The following KIN variants were observed in gnomAD, a reference collection of about 807,000 sequenced individuals.
KIN encodes the protein DNA/RNA-binding protein KIN17.
A neutral mutation model predicts 63.0 loss-of-function variants in KIN; 47 were observed. The ratio of observed to expected loss-of-function variants is 0.75; its 90% CI spans 0.59 to 0.95. The LOEUF (loss-of-function observed/expected upper bound fraction) is 0.95. KIN is among the 40% of genes least tolerant of loss of function. The pLI, the probability that KIN is intolerant of heterozygous loss-of-function variation, is 0.00. For missense variants in KIN, 408 were observed against 460.9 expected, an observed-to-expected ratio of 0.89 and a Z score of 1.05; for synonymous variants, 160 against 157.7, an observed-to-expected ratio of 1.01 and a Z score of -0.11.
In KIN at chr10:7,751,613, G is replaced by C. The variant is rs1052071885; in HGVS notation, c.*4467C>G. ...AAGAGGTAAATAGCACTACCTCTTAGTTTTCTTCTTCTATAAGAAGTGCTC... is the reference window on the plus strand; with the variant it reads ...AAGAGGTAAATAGCACTACCTCTTACTTTTCTTCTTCTATAAGAAGTGCTC... On this transcript the variant is annotated 3_prime_UTR_variant, in exon 13 of 13. Transcript: ENST00000379562. 6.6e-6 allele frequency: 1 copy of C among 152,100 alleles called. No individual in the cohort carries two copies. The highest frequency in any genetic ancestry group is 2.4e-5 in the African/African-American group (1 of 41,422). 9.4% of individuals were successfully genotyped at this position (152,100 alleles called of 1,614,324 possible).
rs568313934 is a variant in KIN at position 7,751,327 on chromosome 10, T to C, written c.*4753A>G. The C allele has an allele frequency of 6.6e-6, 1 of 152,372 alleles. No individual in the cohort carries two copies. Among genetic ancestry groups the C allele is most frequent in the South Asian group, 2.1e-4 (1 of 4,828 alleles). 9.4% of individuals were successfully genotyped at this position (152,372 alleles called of 1,614,324 possible). A position where few individuals can be genotyped will look rare whatever the true frequency, so the allele number is the denominator to read the frequency against. ...TTTCATTGTAGAGGCAAAACTCTTTTTTTGGACATATCCAACCCATATTTG... is the reference window on the plus strand; with the variant it reads ...TTTCATTGTAGAGGCAAAACTCTTTCTTTGGACATATCCAACCCATATTTG... On this transcript the variant is annotated 3_prime_UTR_variant, in exon 13 of 13. Coordinates refer to ENST00000379562, the MANE Select transcript of KIN (RefSeq NM_012311.4).
At chr10:7,778,462 T>G (rs549908057) in intron 5 of KIN, among the ~76,000 whole-genome samples, 1 of 152,122 alleles carries the variant, frequency 6.6e-6, no homozygotes, top group Non-Finnish European at 1.5e-5. Context: ...ACAAGCTGGC[T>G]GGGCACGGTG....
intron 9 of KIN, among the ~76,000 whole-genome samples, chr10:7,765,366 GGGA>G (rs1196748604): frequency 2.0e-5 from 3 of 151,850 alleles, no homozygotes; most frequent in African/African-American, 7.3e-5. Context: ...AAGCTGAGGT[GGGA>G]GGATCGCTTG....
At chr10:7,779,517 T>C (rs1339055255) in intron 4 of KIN, among the ~76,000 whole-genome samples, 2 of 152,190 alleles carry the variant, frequency 1.3e-5, no homozygotes, top group African/African-American at 2.4e-5. Context: ...AGATACTGTA[T>C]GTGAATTCAA....
rs184326700 is a variant in KIN, at chr10:7,752,240, A to G, written c.*3840T>C. ...AAAATTCAACAATAAGAAAATGAGTAACCCAATTAAATAATGGGCAAAAAA... is the reference window on the plus strand; with the variant it reads ...AAAATTCAACAATAAGAAAATGAGTGACCCAATTAAATAATGGGCAAAAAA... On this transcript the variant is annotated 3_prime_UTR_variant, in exon 13 of 13. Coordinates refer to ENST00000379562, the MANE Select transcript of KIN (RefSeq NM_012311.4). 1 of 152,372 alleles carries G rather than the reference A, an allele frequency of 6.6e-6. No individual in the cohort carries two copies. Among genetic ancestry groups the G allele is most frequent in the East Asian group, 1.9e-4 (1 of 5,188 alleles). 9.4% of individuals were successfully genotyped at this position (152,372 alleles called of 1,614,324 possible). A position where few individuals can be genotyped will look rare whatever the true frequency, so the allele number is the denominator to read the frequency against.
At chr10:7,765,018 A>G (rs1184262129) in intron 9 of KIN, among the ~76,000 whole-genome samples, 1 of 151,774 alleles carries the variant, frequency 6.6e-6, no homozygotes, top group Non-Finnish European at 1.5e-5. Context: ...AATTAACCGG[A>G]TGTGGTGGCC....
intron 6 of KIN, among the ~76,000 whole-genome samples, chr10:7,775,119 C>T (rs548721590): frequency 1.3e-5 from 2 of 152,310 alleles, no homozygotes; most frequent in East Asian, 1.9e-4. Flanking sequence ...ACCACACCGG[C>T]GCTTCCCTGC....
intron 4 of KIN, among the ~76,000 whole-genome samples, chr10:7,779,494 T>G (rs969014915): frequency 6.6e-6 from 1 of 152,316 alleles, no homozygotes; most frequent in African/African-American, 2.4e-5. Flanking sequence ...CATATTTATA[T>G]TTAATGAAAT....
At chr10:7,784,267 A>C (rs1415485413) in intron 1 of KIN, among the ~76,000 whole-genome samples, 1 of 152,140 alleles carries the variant, frequency 6.6e-6, no homozygotes, top group Non-Finnish European at 1.5e-5. Flanking sequence ...CTCCTTTCCC[A>C]AAAAAATTGC....
At chr10:7,778,515 C>A (rs1042537771) in intron 5 of KIN, among the ~76,000 whole-genome samples, 1 of 152,106 alleles carries the variant, frequency 6.6e-6, no homozygotes, top group Non-Finnish European at 1.5e-5. Flanking sequence ...CCGAGGCGGC[C>A]GGATCACGAG....
At chr10:7,782,526 G>A (rs764489508) in intron 2 of KIN, among the ~76,000 whole-genome samples, 2 of 151,930 alleles carry the variant, frequency 1.3e-5, no homozygotes, top group Non-Finnish European at 2.9e-5. Context: ...AGCCTCCTGA[G>A]TCGCTGGGAT....
Position 7,769,319 on chromosome 10 carries a change from G to A in KIN, c.695C>T (p.Thr232Met), listed in dbSNP as rs976568227. 1.4e-5 allele frequency: 23 copies of A among 1,613,466 alleles called. No homozygotes were observed. The highest frequency in any genetic ancestry group is 2.2e-5 in the East Asian group (1 of 44,868). ...TTTCACTGATGCTGAACTTCCTATC[G>A]TCTTCAGTGCACTCGGTCCCAGAGT... ...SSTLGPSALK[T>M]IGSSASVKRK... The change falls in exon 8 of 13, where the codon ACG becomes ATG. Residue 232 changes from threonine (T) to methionine (M), a missense_variant. Coordinates refer to ENST00000379562, the MANE Select transcript of KIN (RefSeq NM_012311.4).
chr10:7,764,705 C>A (rs1835504054), intron 9 of KIN, among the ~76,000 whole-genome samples: 1 of 152,212 alleles, frequency 6.6e-6, no homozygotes, highest in Admixed American at 6.5e-5. Context: ...AATGCCAAAA[C>A]AACTTCTCCA....
At chr10:7,759,838 G>A in intron 12 of KIN, 52 bp downstream of exon 12, 1 of 896,564 alleles carries the variant, frequency 1.1e-6, no homozygotes, top group Non-Finnish European at 1.8e-6. Flanking sequence ...AAAAAACTAT[G>A]GCACATTTTT....
At chr10:7,776,467 A>G (rs1043433538) in intron 5 of KIN, among the ~76,000 whole-genome samples, 2 of 150,346 alleles carry the variant, frequency 1.3e-5, no homozygotes, top group Admixed American at 1.3e-4. Flanking sequence ...GTCTGAATCC[A>G]GGGGGTGAGT....
intron 8 of KIN, among the ~76,000 whole-genome samples, chr10:7,767,399 C>G (rs1409503355): frequency 1.3e-5 from 2 of 152,208 alleles, no homozygotes; most frequent in Non-Finnish European, 2.9e-5. Flanking sequence ...AGAATGAAAG[C>G]TCCGTGACTA....
At chr10:7,765,818 G>C (rs1171920506) in intron 9 of KIN, among the ~76,000 whole-genome samples, 2 of 152,152 alleles carry the variant, frequency 1.3e-5, no homozygotes, top group Admixed American at 1.3e-4. Context: ...CCATAAACAA[G>C]TTTAGCACTA....
chr10:7,769,991 C>T (rs559355697), intron 7 of KIN, among the ~76,000 whole-genome samples: 5 of 152,218 alleles, frequency 3.3e-5, no homozygotes, highest in South Asian at 2.1e-4. Flanking sequence ...AGTGCAGTGG[C>T]GCGATCTTGG....
At chr10:7,787,384 A>C (rs1836042576) in intron 1 of KIN, among the ~76,000 whole-genome samples, 1 of 152,182 alleles carries the variant, frequency 6.6e-6, no homozygotes, top group Non-Finnish European at 1.5e-5. Flanking sequence ...CTAGATGAGT[A>C]GTGTGGAAGA....
Sources: gnomAD v4.1 joint callset for allele counts (sites outside exome capture counted in the v4.1 genomes callset) on GRCh38, gnomAD v4.1.1 for gene constraint, MANE v1.5 for transcripts, NCBI Gene and HGNC (gene_info 2026-07-23, HGNC 2026-07-21) for gene names.